KLRG1: variants seen among roughly 807,000 people sequenced by gnomAD.
KLRG1 encodes the protein killer cell lectin-like receptor subfamily G member 1.
A neutral mutation model predicts 21.8 loss-of-function variants in KLRG1; 16 were observed. That is an observed-to-expected ratio of 0.73 (90% CI 0.50 to 1.11). The LOEUF (loss-of-function observed/expected upper bound fraction) is 1.11. Ranked by LOEUF, KLRG1 falls within the 50% of genes most tolerant of loss-of-function variation. KLRG1 has a pLI of 0.00. For missense variants in KLRG1, 173 were observed against 218.3 expected (o/e 0.79, Z 1.31); for synonymous variants, 69 against 75.9 (o/e 0.91, Z 0.47).
At chr12:9,084,710 T>G in the KLRG1 span, among the ~76,000 whole-genome samples, 1 of 151,830 alleles carries the variant, frequency 6.6e-6, no homozygotes, top group Non-Finnish European at 1.5e-5. Flanking sequence ...TGGACTAAAT[T>G]CCCCATTTAA....
the KLRG1 span, chr12:9,068,804 C>T: frequency 1.2e-6 from 2 of 1,608,604 alleles, no homozygotes; most frequent in Non-Finnish European, 1.7e-6. Flanking sequence ...GGACATCTTG[C>T]AGAACCGTGA....
intron 1 of KLRG1, among the ~76,000 whole-genome samples, chr12:8,977,188 A>G (rs376858162): frequency 6.8e-6 from 1 of 147,940 alleles, no homozygotes; most frequent in Non-Finnish European, 1.5e-5. Context: ...TCTTGTAGAC[A>G]TTGCATCACT....
the KLRG1 span, chr12:9,072,715 A>G: frequency 6.2e-7 from 1 of 1,614,148 alleles, no homozygotes; most frequent in Middle Eastern, 1.6e-4. Context: ...AGCTCTGGCA[A>G]TGAGACCTGC....
chr12:9,157,811 C>T, the KLRG1 span: 55 of 1,613,856 alleles, frequency 3.4e-5, no homozygotes, highest in Admixed American at 3.7e-4. Context: ...GTAACATAGG[C>T]GGAGAGGGTC....
chr12:9,060,456 A>G, the KLRG1 span, among the ~76,000 whole-genome samples: 7 of 152,180 alleles, frequency 4.6e-5, no homozygotes, highest in African/African-American at 1.7e-4. Context: ...AACCACCTAC[A>G]GAGTTCATTA....
At chr12:9,105,192 C>T in the KLRG1 span, among the ~76,000 whole-genome samples, 1 of 152,054 alleles carries the variant, frequency 6.6e-6, no homozygotes, top group Non-Finnish European at 1.5e-5. Context: ...ATAGGCTGAC[C>T]CCCATCAGTA....
chr12:9,172,348 C>A, the KLRG1 span, among the ~76,000 whole-genome samples: 30 of 152,228 alleles, frequency 2.0e-4, no homozygotes, highest in African/African-American at 6.7e-4. Flanking sequence ...GAAAGCACTA[C>A]GTTTGGAAAA....
chr12:9,087,964 A>AT, the KLRG1 span, among the ~76,000 whole-genome samples: 4 of 152,154 alleles, frequency 2.6e-5, no homozygotes, highest in Non-Finnish European at 4.4e-5. Flanking sequence ...GAAAAAACCA[A>AT]TATAGGAAGA....
At chr12:9,009,141 T>C (rs1216765759) in intron 4 of KLRG1, 66 bp downstream of exon 4, 4 of 1,225,932 alleles carry the variant, frequency 3.3e-6, no homozygotes, top group Non-Finnish European at 4.7e-6. Flanking sequence ...TTATGATACT[T>C]GGGGAATAGA....
chr12:9,142,905 C>T, the KLRG1 span, among the ~76,000 whole-genome samples: 1 of 152,154 alleles, frequency 6.6e-6, no homozygotes, highest in Admixed American at 6.5e-5. Flanking sequence ...CAAGGAATCC[C>T]AGGCCACCAG....
chr12:9,045,939 A>C, the KLRG1 span, among the ~76,000 whole-genome samples: 1 of 152,182 alleles, frequency 6.6e-6, no homozygotes, highest in Non-Finnish European at 1.5e-5. Flanking sequence ...CAGGAACACA[A>C]AATCAAACAC....
At chr12:8,961,923 A>C (rs576577432) in intron 1 of KLRG1, among the ~76,000 whole-genome samples, 1 of 152,102 alleles carries the variant, frequency 6.6e-6, no homozygotes, top group African/African-American at 2.4e-5. Context: ...TCATCTCTAC[A>C]AAAAATTTAA....
chr12:9,177,412 C>T, the KLRG1 span, among the ~76,000 whole-genome samples: 1 of 152,102 alleles, frequency 6.6e-6, no homozygotes, highest in African/African-American at 2.4e-5. Context: ...CAGCTTTGGC[C>T]GCCATGTTAA....
the KLRG1 span, among the ~76,000 whole-genome samples, chr12:9,074,002 C>A: frequency 6.7e-6 from 1 of 150,322 alleles, no homozygotes; most frequent in Non-Finnish European, 1.5e-5. Flanking sequence ...GCACTAGAAT[C>A]GCTTGAACCT....
chr12:9,052,643 C>T, the KLRG1 span, among the ~76,000 whole-genome samples: 2 of 152,234 alleles, frequency 1.3e-5, no homozygotes, highest in Non-Finnish European at 2.9e-5. Context: ...CCGTCTCCTT[C>T]CTCACAGCTG....
intron 1 of KLRG1, among the ~76,000 whole-genome samples, chr12:8,951,117 C>G (rs1946194814): frequency 6.6e-6 from 1 of 152,048 alleles, no homozygotes; most frequent in Non-Finnish European, 1.5e-5. Context: ...AAACAAAAAT[C>G]ATACATAAAC....
At chr12:9,024,893 A>G in the KLRG1 span, among the ~76,000 whole-genome samples, 1 of 152,206 alleles carries the variant, frequency 6.6e-6, no homozygotes, top group Non-Finnish European at 1.5e-5. Context: ...CTTTATTTCT[A>G]TATTAGCACT....
chr12:9,050,703 C>T, the KLRG1 span, among the ~76,000 whole-genome samples: 12 of 152,172 alleles, frequency 7.9e-5, no homozygotes, highest in African/African-American at 2.7e-4. Flanking sequence ...ACCTGGGCCT[C>T]GCGCTCCACG....
At chr12:9,085,233 A>G in the KLRG1 span, among the ~76,000 whole-genome samples, 2 of 152,128 alleles carry the variant, frequency 1.3e-5, no homozygotes, top group Non-Finnish European at 2.9e-5. Flanking sequence ...AACATTCTCC[A>G]AGATAGATCA....
Sources: allele counts gnomAD v4.1 joint callset (sites outside exome capture counted in the v4.1 genomes callset), GRCh38; gene constraint gnomAD v4.1.1; transcripts MANE v1.5; gene names NCBI Gene and HGNC (gene_info 2026-07-23, HGNC 2026-07-21).